CCDC57: variants seen among roughly 807,000 people sequenced by gnomAD.
CCDC57 encodes the protein coiled-coil domain-containing protein 57.
Under a neutral mutation model 118.9 loss-of-function variants are expected in CCDC57, and 118 were observed. The ratio of observed to expected loss-of-function variants is 0.99; its 90% CI spans 0.86 to 1.16. The LOEUF (loss-of-function observed/expected upper bound fraction) is 1.16, where lower values mean the gene tolerates loss of function less well. Ranked by LOEUF, CCDC57 falls within the 50% of genes most tolerant of loss-of-function variation. CCDC57 has a pLI of 0.00. For synonymous variants in CCDC57, 527 were observed against 532.9 expected, an observed-to-expected ratio of 0.99 and a Z score of 0.15; for missense variants, 1,300 against 1,320.7, an observed-to-expected ratio of 0.98 and a Z score of 0.24.
rs2044872380 is a variant in CCDC57 at position 82,172,487 on chromosome 17, TC to T, written c.1729+150del. The stretch of plus-strand genomic sequence containing the variant: ...CCTTCTCTTGGAGAAAAAGCAGTTT[TC>T]ATACTTTGAGTTTATTACAGGGGAT... On this transcript the variant is annotated intron_variant, in intron 12 of 19. Coordinates refer to ENST00000665763, the Ensembl canonical transcript of CCDC57. This position sits in a 1 kb window ranked among gnomAD's most constrained non-coding sequence, Gnocchi z 5.2. The T allele has an allele frequency of 7.5e-6, 5 of 666,792 alleles. No homozygotes were observed. The South Asian group carries it at 9.1e-5, about 12-fold the overall frequency. 41.3% of individuals were successfully genotyped at this position (666,792 alleles called of 1,614,324 possible).
chr17:82,174,324 C>A (rs2045181662), intron 11 of CCDC57, among the ~76,000 whole-genome samples: 1 of 152,244 alleles, frequency 6.6e-6, no homozygotes, highest in African/African-American at 2.4e-5. Flanking sequence ...AGAACCTGCA[C>A]CTCAACTGGC....
At chr17:82,169,632 GGA>G (rs1305569565) in intron 13 of CCDC57, among the ~76,000 whole-genome samples, 2 of 152,196 alleles carry the variant, frequency 1.3e-5, no homozygotes, top group African/African-American at 4.8e-5. Flanking sequence ...CATCCAGGCA[GGA>G]GAGGGGCCTG....
intron 16 of CCDC57, among the ~76,000 whole-genome samples, chr17:82,148,237 G>C (rs574367698): frequency 6.7e-6 from 1 of 149,630 alleles, no homozygotes; most frequent in Non-Finnish European, 1.5e-5. Context: ...TGGGTGGGTA[G>C]ATGGGTAGAT....
intron 11 of CCDC57, among the ~76,000 whole-genome samples, chr17:82,178,125 G>A (rs1328253370): frequency 3.3e-5 from 5 of 152,198 alleles, no homozygotes; most frequent in African/African-American, 7.2e-5. Flanking sequence ...GGCCACTAAC[G>A]TCACTGCTCA....
At chr17:82,161,465 A>G (rs2043323175) in intron 14 of CCDC57, among the ~76,000 whole-genome samples, 1 of 152,222 alleles carries the variant, frequency 6.6e-6, no homozygotes, top group African/African-American at 2.4e-5. Context: ...GAACATTCAC[A>G]GCAGCATTAT....
intron 16 of CCDC57, among the ~76,000 whole-genome samples, chr17:82,136,771 C>T (rs1036986318): frequency 6.6e-6 from 1 of 151,838 alleles, no homozygotes; most frequent in African/African-American, 2.4e-5. Context: ...TTAGTAGAGA[C>T]AGGGTGTCAC....
intron 19 of CCDC57, among the ~76,000 whole-genome samples, chr17:82,124,741 A>G (rs2037183488): frequency 6.6e-6 from 1 of 151,938 alleles, no homozygotes; most frequent in South Asian, 2.1e-4. Flanking sequence ...GGCTGCAGTG[A>G]GCTGAGATTG....
chr17:82,202,624 C>A (rs570633455), intron 2 of CCDC57, among the ~76,000 whole-genome samples: 2 of 152,150 alleles, frequency 1.3e-5, no homozygotes, highest in East Asian at 3.9e-4. Context: ...GTGGCGCATG[C>A]CTGTGATCTC....
chr17:82,134,178 G>C, exon 17 of CCDC57: 1 of 1,333,288 alleles, frequency 7.5e-7, no homozygotes, highest in Non-Finnish European at 9.7e-7. Context: ...GAGGGAGGGC[G>C]TGGTGCAACA....
chr17:82,151,823 A>G (rs1284243841), intron 15 of CCDC57, 50 bp from the exon 15 acceptor site: 2 of 1,502,244 alleles, frequency 1.3e-6, no homozygotes, highest in Admixed American at 4.0e-5. Context: ...CCCTCATGGG[A>G]GGACGCCAGG....
chr17:82,130,749 C>T (rs1018226400), intron 17 of CCDC57, among the ~76,000 whole-genome samples: 4 of 151,266 alleles, frequency 2.6e-5, no homozygotes, highest in African/African-American at 7.3e-5. Flanking sequence ...ATGATCTGCC[C>T]GCCTCAGCCT....
exon 20 of CCDC57, chr17:82,101,625 C>A: frequency 7.1e-7 from 1 of 1,400,186 alleles, no homozygotes. Flanking sequence ...GGTGAAAGCA[C>A]AGGCACCATG....
chr17:82,125,564 C>T (rs1461790313), intron 19 of CCDC57, among the ~76,000 whole-genome samples: 5 of 150,316 alleles, frequency 3.3e-5, no homozygotes, highest in South Asian at 4.2e-4. Flanking sequence ...TTAGTAGAGA[C>T]GGGGTTTCAC....
rs117043122 is a variant in CCDC57, at chr17:82,116,803, T to A, written c.2899+10889A>T. 1.3e-3 allele frequency among the ~76,000 whole-genome samples: 203 copies of A among 152,232 alleles called. 3 individuals are homozygous for A. In the East Asian group the frequency reaches 0.03, roughly 23 times the overall value. On this transcript the variant is annotated intron_variant, in intron 19 of 19. Coordinates refer to ENST00000665763, the Ensembl canonical transcript of CCDC57. ...TACTCGAGGAAAACACACAGAACCA[T>A]TCCCATTATGTGTATCTGTAAACCA...
At chr17:82,123,122 CTTTTT>C (rs34869339) in intron 19 of CCDC57, among the ~76,000 whole-genome samples, 11 of 105,766 alleles carry the variant, frequency 1.0e-4, no homozygotes, top group Middle Eastern at 4.7e-3. Flanking sequence ...CTCCTAATAA[CTTTTT>C]TTTTTTTTTT....
intron 1 of CCDC57, among the ~76,000 whole-genome samples, chr17:82,211,650 C>G (rs767051729): frequency 1.3e-4 from 19 of 151,674 alleles, no homozygotes; most frequent in Non-Finnish European, 2.5e-4. Flanking sequence ...CGGTGTGGTA[C>G]CCTACTTTGT....
chr17:82,162,268 A>C (rs1275770042), intron 14 of CCDC57, among the ~76,000 whole-genome samples: 1 of 152,200 alleles, frequency 6.6e-6, no homozygotes, highest in Non-Finnish European at 1.5e-5. Context: ...GGCCTCCCAA[A>C]GTGCTGGGAT....
chr17:82,179,125 G>A, exon 10 of CCDC57: 1 of 1,613,984 alleles, frequency 6.2e-7, no homozygotes, highest in East Asian at 2.2e-5. Context: ...TCCAGGCCCA[G>A]CTGCACCTGA....
chr17:82,115,725 A>G (rs1428305084), intron 19 of CCDC57, among the ~76,000 whole-genome samples: 1 of 149,396 alleles, frequency 6.7e-6, no homozygotes, highest in African/African-American at 2.4e-5. Flanking sequence ...CTGAGATCGC[A>G]CCACTGCACT....
Sources: allele counts gnomAD v4.1 joint callset (sites outside exome capture counted in the v4.1 genomes callset), GRCh38; gene constraint gnomAD v4.1.1; non-coding constraint Gnocchi (gnomAD v3.1); transcripts MANE v1.5; gene names NCBI Gene and HGNC (gene_info 2026-07-23, HGNC 2026-07-21).